Variants in ZMYND11 observed in about 807,000 individuals in gnomAD.
ZMYND11 encodes the protein zinc finger MYND domain-containing protein 11.
A neutral mutation model predicts 84.9 loss-of-function variants in ZMYND11; 9 were observed. The observed-to-expected ratio is 0.11, with a 90% CI of 0.06 to 0.18. The LOEUF is 0.18. Among genes scored for constraint, ZMYND11 ranks in the 10% least tolerant of loss-of-function variants. The pLI, the probability that ZMYND11 is intolerant of heterozygous loss-of-function variation, is 1.00. For missense variants in ZMYND11, 409 were observed against 761.0 expected (o/e 0.54, Z 5.44); for synonymous variants, 250 against 244.1 (o/e 1.02, Z -0.23).
intron 10 of ZMYND11, chr10:244,527 C>G (rs1266063221): frequency 1.3e-5 from 2 of 152,266 alleles, no homozygotes; most frequent in Admixed American, 6.5e-5. Flanking sequence ...GCTGATAAGA[C>G]CTGTCTTAAG....
chr10:208,893 A>G (rs1944669955), intron 2 of ZMYND11, among the ~76,000 whole-genome samples: 1 of 152,184 alleles, frequency 6.6e-6, no homozygotes, highest in Non-Finnish European at 1.5e-5. Context: ...TCTCTGGAGA[A>G]GTCTGAGGCC....
At chr10:240,381 G>A (rs910446298) in intron 8 of ZMYND11, among the ~76,000 whole-genome samples, 7 of 152,294 alleles carry the variant, frequency 4.6e-5, no homozygotes, top group African/African-American at 1.7e-4. Flanking sequence ...GTGTACGCCT[G>A]TAGTCCCAGC....
At chr10:221,441 G>A in intron 4 of ZMYND11, 85 bp downstream of exon 4, 1 of 1,432,098 alleles carries the variant, frequency 7.0e-7, no homozygotes, top group East Asian at 2.3e-5. Context: ...AGGTGGTCTT[G>A]CCAGGTGAAC....
intron 3 of ZMYND11, among the ~76,000 whole-genome samples, chr10:216,590 CCTAT>C (rs1272342597): frequency 6.6e-6 from 1 of 152,006 alleles, no homozygotes; most frequent in African/African-American, 2.4e-5. Flanking sequence ...ATGTCCATGC[CCTAT>C]CTTAGTTACA....
At chr10:213,453 A>G (rs746974195) in intron 3 of ZMYND11, among the ~76,000 whole-genome samples, 5 of 152,232 alleles carry the variant, frequency 3.3e-5, no homozygotes, top group African/African-American at 4.8e-5. Context: ...TTATCCATCA[A>G]GAAAGGAACA....
At chr10:177,066 T>C (rs545408188) in intron 1 of ZMYND11, among the ~76,000 whole-genome samples, 227 of 152,316 alleles carry the variant, frequency 1.5e-3, no homozygotes, top group African/African-American at 5.3e-3. Context: ...TCACTAGTCA[T>C]GTACTGGATG....
At chr10:250,333 C>T (rs1282533032) in intron 14 of ZMYND11, among the ~76,000 whole-genome samples, 3 of 152,188 alleles carry the variant, frequency 2.0e-5, no homozygotes, top group South Asian at 2.1e-4. Flanking sequence ...ATAACAGAAG[C>T]ACAACACCCA....
At chr10:134,894 T>C (rs1554751324), upstream of ZMYND11, 3 of 151,138 alleles carry the variant, frequency 2.0e-5, no homozygotes, top group Non-Finnish European at 3.0e-5. Context: ...GTGGGGAAGG[T>C]AGGAGCCGCG....
At chr10:186,007 C>A (rs1306412265) in intron 2 of ZMYND11, among the ~76,000 whole-genome samples, 2 of 142,204 alleles carry the variant, frequency 1.4e-5, no homozygotes, top group Non-Finnish European at 3.1e-5. Context: ...ACACAGGATT[C>A]TTTTTTTTTT....
At chr10:234,775 C>T (rs1949649301) in intron 4 of ZMYND11, among the ~76,000 whole-genome samples, 1 of 152,132 alleles carries the variant, frequency 6.6e-6, no homozygotes, top group Non-Finnish European at 1.5e-5. Context: ...TTTTCTCTTC[C>T]CTGTATCTGA....
At chr10:207,238 C>T (rs1417774219) in intron 2 of ZMYND11, among the ~76,000 whole-genome samples, 3 of 152,158 alleles carry the variant, frequency 2.0e-5, no homozygotes, top group African/African-American at 7.2e-5. Flanking sequence ...CAGTCTATCA[C>T]TCATGGACAT....
chr10:175,674 A>G (rs1349823941), intron 1 of ZMYND11, among the ~76,000 whole-genome samples: 3 of 152,248 alleles, frequency 2.0e-5, no homozygotes, highest in Non-Finnish European at 4.4e-5. Context: ...AAAGGAATAC[A>G]TAGCTAGATT....
chr10:142,580 A>G (rs576486509), intron 1 of ZMYND11, among the ~76,000 whole-genome samples: 50 of 152,300 alleles, frequency 3.3e-4, no homozygotes, highest in Admixed American at 2.2e-3. Context: ...CTGAATTCCA[A>G]TGTATGACTA....
chr10:247,562 C>T, intron 12 of ZMYND11, 96 bp downstream of exon 12: 6 of 1,313,578 alleles, frequency 4.6e-6, no homozygotes, highest in Non-Finnish European at 6.4e-6. Flanking sequence ...GACAGTCACT[C>T]TTGGTGGATA....
intron 4 of ZMYND11, among the ~76,000 whole-genome samples, chr10:224,284 G>A (rs1947694789): frequency 6.6e-6 from 1 of 152,140 alleles, no homozygotes; most frequent in African/African-American, 2.4e-5. Context: ...TAACAGGACA[G>A]TAATAGGCAT....
intron 2 of ZMYND11, among the ~76,000 whole-genome samples, chr10:202,174 A>G (rs1423663596): frequency 6.6e-6 from 1 of 152,180 alleles, no homozygotes; most frequent in Non-Finnish European, 1.5e-5. Context: ...AATTCCAGAA[A>G]ATCTTAAGCC....
chr10:153,803 G>A (rs544112983), intron 1 of ZMYND11, among the ~76,000 whole-genome samples: 8 of 152,130 alleles, frequency 5.3e-5, no homozygotes, highest in South Asian at 2.1e-4. Context: ...TGCCAGTGTC[G>A]TTGTAAAACA....
intron 1 of ZMYND11, among the ~76,000 whole-genome samples, chr10:155,685 A>C (rs1841531127): frequency 1.3e-5 from 2 of 152,228 alleles, no homozygotes; most frequent in East Asian, 1.9e-4. Flanking sequence ...TGATTTTTGC[A>C]CTTCTGGTTT....
intron 14 of ZMYND11, among the ~76,000 whole-genome samples, chr10:250,499 A>G (rs1006533232): frequency 5.3e-5 from 8 of 152,268 alleles, no homozygotes; most frequent in South Asian, 4.1e-4. Context: ...TGTCTCTTAA[A>G]AAATTCTTAT....
Sources: gnomAD v4.1 joint callset for allele counts (sites outside exome capture counted in the v4.1 genomes callset) on GRCh38, gnomAD v4.1.1 for gene constraint, MANE v1.5 for transcripts, NCBI Gene and HGNC (gene_info 2026-07-23, HGNC 2026-07-21) for gene names.